The following TFAP2D variants were observed in gnomAD, a reference collection of about 807,000 sequenced individuals.
The protein encoded by TFAP2D is transcription factor AP-2 delta.
A neutral mutation model predicts 43.6 loss-of-function variants in TFAP2D; 9 were observed. The observed-to-expected ratio is 0.21, with a 90% CI of 0.12 to 0.36. The LOEUF (loss-of-function observed/expected upper bound fraction) is 0.36. Among genes scored for constraint, TFAP2D ranks in the 10% least tolerant of loss-of-function variants. The probability of loss-of-function intolerance (pLI) is 1.00; values close to 1 mark genes in which losing one functional copy is unlikely to be tolerated. For synonymous variants in TFAP2D, 256 were observed against 224.9 expected (o/e 1.14, Z -1.24); for missense variants, 513 against 561.4 (o/e 0.91, Z 0.87).
chr6:50,739,974 AAT>A (rs1769014822), intron 5 of TFAP2D, among the ~76,000 whole-genome samples: 1 of 152,216 alleles, frequency 6.6e-6, no homozygotes, highest in Non-Finnish European at 1.5e-5. Context: ...AGAGCTGTAG[AAT>A]GCATTCCTTT....
At chr6:50,729,626 T>C (rs1768855148) in intron 5 of TFAP2D, among the ~76,000 whole-genome samples, 1 of 152,214 alleles carries the variant, frequency 6.6e-6, no homozygotes, top group African/African-American at 2.4e-5. Context: ...ATTTGCATTA[T>C]TGTTTATTTC....
intron 1 of TFAP2D, among the ~76,000 whole-genome samples, chr6:50,714,834 C>A (rs1011794354): frequency 6.6e-6 from 1 of 151,800 alleles, no homozygotes; most frequent in African/African-American, 2.4e-5. Context: ...TGTGTCTGTG[C>A]GTGTGTGTGC....
intron 3 of TFAP2D, among the ~76,000 whole-genome samples, chr6:50,722,293 T>G (rs1341496284): frequency 1.3e-5 from 2 of 152,216 alleles, no homozygotes; most frequent in African/African-American, 4.8e-5. Context: ...CGCGTATCGA[T>G]AGCTTCTTTC....
intron 1 of TFAP2D, 86 bp downstream of exon 1, chr6:50,714,180 A>G: frequency 4.4e-6 from 6 of 1,353,488 alleles, no homozygotes; most frequent in Non-Finnish European, 6.2e-6. Context: ...CGGCGGTGGC[A>G]GCCTCCCCTG....
chr6:50,753,968 T>A (rs1369048782), intron 7 of TFAP2D, among the ~76,000 whole-genome samples: 2 of 151,988 alleles, frequency 1.3e-5, no homozygotes, highest in Non-Finnish European at 2.9e-5. Context: ...CTATATCTTT[T>A]TCTTAAACTG....
intron 7 of TFAP2D, among the ~76,000 whole-genome samples, chr6:50,759,933 T>A (rs1409887481): frequency 6.6e-6 from 1 of 152,002 alleles, no homozygotes. Context: ...AGGGTAGTCA[T>A]AAACATACTT....
chr6:50,730,826 A>G (rs1253838512), intron 5 of TFAP2D, among the ~76,000 whole-genome samples: 2 of 152,138 alleles, frequency 1.3e-5, no homozygotes, highest in Non-Finnish European at 1.5e-5. Context: ...ATTCTGATGT[A>G]TAGTGGTGTT....
intron 7 of TFAP2D, among the ~76,000 whole-genome samples, chr6:50,762,866 G>A (rs1290373992): frequency 6.6e-6 from 1 of 152,014 alleles, no homozygotes; most frequent in Non-Finnish European, 1.5e-5. Context: ...GAGAGACAGA[G>A]AGAGAGAAAG....
At position 50,713,947 on chromosome 6, in the gene TFAP2D, AT is replaced by A. The variant is rs35537220; in HGVS notation, c.-99del. 539,598 of 1,434,022 alleles carry A rather than the reference AT, an allele frequency of 0.38. 96,890 individuals carry two copies. The highest frequency in any genetic ancestry group is 0.46 in the East Asian group (19,703 of 42,660). The allele number at this position is 1,434,022 out of a possible 1,614,324, so 88.8% of individuals were successfully genotyped here. A position where few individuals can be genotyped will look rare whatever the true frequency, so the allele number is the denominator to read the frequency against. The stretch of plus-strand genomic sequence containing the variant: ...CAATTTAGATATCTACCTATAGAAC[AT>A]TTTTTTTTTCCTTTAAAAATTGGAA... On this transcript the variant is annotated 5_prime_UTR_variant, in exon 1 of 8. Coordinates refer to ENST00000008391, the MANE Select transcript of TFAP2D (RefSeq NM_172238.4).
chr6:50,760,902 C>T (rs1769353398), intron 7 of TFAP2D, among the ~76,000 whole-genome samples: 1 of 150,912 alleles, frequency 6.6e-6, no homozygotes, highest in Non-Finnish European at 1.5e-5. Context: ...AGGGTCTGTT[C>T]CCCAGACTCC....
chr6:50,768,535 C>T (rs1769477935), intron 7 of TFAP2D, among the ~76,000 whole-genome samples: 1 of 151,946 alleles, frequency 6.6e-6, no homozygotes, highest in Non-Finnish European at 1.5e-5. Context: ...ATGAGATACA[C>T]ACCTATTTTT....
intron 7 of TFAP2D, among the ~76,000 whole-genome samples, chr6:50,769,899 A>T (rs1487192179): frequency 6.6e-6 from 1 of 152,254 alleles, no homozygotes; most frequent in East Asian, 1.9e-4. Flanking sequence ...AACTTAGAAC[A>T]GGACTTGACA....
At chr6:50,770,367 T>G (rs1769509196) in intron 7 of TFAP2D, among the ~76,000 whole-genome samples, 1 of 152,222 alleles carries the variant, frequency 6.6e-6, no homozygotes, top group South Asian at 2.1e-4. Context: ...TGCAGATAAT[T>G]GCCCAAGCAT....
intron 7 of TFAP2D, among the ~76,000 whole-genome samples, chr6:50,753,149 T>C (rs1038711270): frequency 5.3e-5 from 8 of 151,930 alleles, no homozygotes; most frequent in African/African-American, 1.7e-4. Context: ...TTAATTTTCA[T>C]TGAGGTTTGA....
intron 7 of TFAP2D, among the ~76,000 whole-genome samples, chr6:50,763,379 A>G (rs568464460): frequency 1.6e-4 from 25 of 152,192 alleles, no homozygotes; most frequent in South Asian, 2.1e-4. Flanking sequence ...ACCAGCTGTG[A>G]ATTTCCCTTA....
chr6:50,718,120 G>A (rs1373120545), intron 2 of TFAP2D: 1 of 146,400 alleles, frequency 6.8e-6, no homozygotes, highest in Admixed American at 6.8e-5. Context: ...CAGTCTCCAA[G>A]TTTTTTTTTT....
intron 2 of TFAP2D, 51 bp downstream of exon 2, chr6:50,715,664 C>T (rs1484512223): frequency 2.0e-6 from 3 of 1,529,980 alleles, no homozygotes; most frequent in East Asian, 2.3e-5. Flanking sequence ...TTCGCCCTCC[C>T]CCTGCCGCCC....
chr6:50,758,668 G>A (rs902662563), intron 7 of TFAP2D, among the ~76,000 whole-genome samples: 2 of 152,148 alleles, frequency 1.3e-5, no homozygotes, highest in East Asian at 1.9e-4. Flanking sequence ...TCTCCAAGAA[G>A]CCTAAAGTGT....
intron 7 of TFAP2D, among the ~76,000 whole-genome samples, chr6:50,766,468 A>T (rs1333661349): frequency 6.6e-6 from 1 of 152,050 alleles, no homozygotes; most frequent in Admixed American, 6.5e-5. Flanking sequence ...ATTTAAAAAA[A>T]TTAATGCTTC....
Sources: allele counts gnomAD v4.1 joint callset (sites outside exome capture counted in the v4.1 genomes callset), GRCh38; gene constraint gnomAD v4.1.1; transcripts MANE v1.5; gene names NCBI Gene and HGNC (gene_info 2026-07-23, HGNC 2026-07-21).